STAB2: variants seen among roughly 807,000 people sequenced by gnomAD.
STAB2 encodes the protein stabilin 2.
A neutral mutation model predicts 338.1 loss-of-function variants in STAB2; 288 were observed. The observed-to-expected ratio is 0.85, with a 90% CI of 0.77 to 0.94. The LOEUF is 0.94. Ranked by LOEUF, STAB2 falls within the 40% of genes least tolerant of loss-of-function variation. The pLI is 0.00. For missense variants in STAB2, 3,141 were observed against 3,210.1 expected (o/e 0.98, Z 0.52); for synonymous variants, 1,202 against 1,193.3 (o/e 1.01, Z -0.15).
chr12:103,735,548 C>T lies in STAB2; in HGVS notation c.5518C>T (p.Leu1840=). 1 of 1,478,010 alleles carries T rather than the reference C, an allele frequency of 6.8e-7. No individual in the cohort carries two copies. The allele number at this position is 1,478,010 out of a possible 1,614,324, so 91.6% of individuals were successfully genotyped here. A position where few individuals can be genotyped will look rare whatever the true frequency, so the allele number is the denominator to read the frequency against. The change falls in exon 52 of 69, where the codon CTG becomes TTG. Residue 1840 remains leucine, a synonymous_variant. Transcript: ENST00000388887. ...CTGGAAGACCCTGCAAGGTTCAGAG[C>T]TGAGTGTGAAATGTGGAGCTGGCAG... is the stretch of plus-strand genomic sequence containing the variant. ...TAWKTLQGSE[L]SVKCGAGRDI...
chr12:103,710,606 A>G (rs1265707842), intron 39 of STAB2, among the ~76,000 whole-genome samples: 1 of 152,360 alleles, frequency 6.6e-6, no homozygotes, highest in African/African-American at 2.4e-5. Context: ...AGAAAAGGAC[A>G]TAAAACATGA....
At chr12:103,707,750 C>T (rs958235988) in intron 38 of STAB2, among the ~76,000 whole-genome samples, 1 of 152,306 alleles carries the variant, frequency 6.6e-6, no homozygotes, top group East Asian at 1.9e-4. Context: ...TTGGCTATCA[C>T]TGTTTTCTCC....
At chr12:103,724,629 T>C (rs1881036607) in intron 44 of STAB2, among the ~76,000 whole-genome samples, 7 of 152,198 alleles carry the variant, frequency 4.6e-5, no homozygotes, top group Admixed American at 3.9e-4. Flanking sequence ...TTTCCTATGA[T>C]CAGAGTTTAG....
chr12:103,597,520 A>G (rs998543334), intron 3 of STAB2, among the ~76,000 whole-genome samples: 4 of 152,232 alleles, frequency 2.6e-5, no homozygotes, highest in Non-Finnish European at 4.4e-5. Context: ...GAAAAAAATT[A>G]CTATCATCTT....
chr12:103,636,145 C>T (rs1192714377), intron 6 of STAB2, among the ~76,000 whole-genome samples: 2 of 151,610 alleles, frequency 1.3e-5, no homozygotes, highest in East Asian at 3.9e-4. Flanking sequence ...GTGCTGCACC[C>T]ATTAACTCGT....
Position 103,666,231 on chromosome 12 carries a change from C to T in STAB2, c.2023-60C>T. On this transcript the variant is annotated intron_variant, in intron 18 of 68. Transcript: ENST00000388887. The stretch of plus-strand genomic sequence containing the variant: ...GGGAAGCATGAAACCAGCCACAGGA[C>T]CATCGCCACTGCTCCCTCTCATAGG... 3.2e-6 allele frequency: 5 copies of T among 1,538,872 alleles called. No homozygotes were observed. In the South Asian group the frequency reaches 5.6e-5, roughly 17 times the overall value.
At position 103,763,601 on chromosome 12, in the gene STAB2, C is replaced by T. The variant is rs765996605; in HGVS notation, c.7598C>T (p.Pro2533Leu). Reference sequence around the variant, plus strand: ...GCTCCCCCAGAACCTTCCTACGACCCCTTCACGGTGAGTTTGCATTCTTAT... The same window carrying T: ...GCTCCCCCAGAACCTTCCTACGACCTCTTCACGGTGAGTTTGCATTCTTAT... ...TSAPPEPSYD[P>L]FTDSEERQLE... The change falls in exon 68 of 69, where the codon CCC becomes CTC. Residue 2533 changes from proline (P) to leucine (L), a missense_variant. Transcript: ENST00000388887. 3.1e-6 allele frequency: 5 copies of T among 1,613,518 alleles called. No homozygotes were observed. The highest frequency in any genetic ancestry group is 1.1e-5 in the South Asian group (1 of 90,994).
Position 103,745,284 on chromosome 12 carries a change from C to A in STAB2, c.6136+7C>A. On this transcript the variant is annotated splice_region_variant and intron_variant, in intron 57 of 68. Transcript: ENST00000388887. ...TCGTGTGACACTCAGGCAGGTCAGT[C>A]ATGGGAGTGGTCAGCTGCTGGCAGC... 2 of 1,611,840 alleles carry A rather than the reference C, an allele frequency of 1.2e-6. No individual in the cohort carries two copies. The highest frequency in any genetic ancestry group is 2.2e-5 in the South Asian group (2 of 90,670).
intron 3 of STAB2, 67 bp downstream of exon 3, chr12:103,594,577 T>G (rs1039354496): frequency 7.5e-5 from 91 of 1,220,934 alleles, no homozygotes; most frequent in Non-Finnish European, 1.1e-4. Context: ...AAAATTGAGA[T>G]GAAGGAAGCC....
chr12:103,739,901 C>T (rs1167636970), intron 54 of STAB2, among the ~76,000 whole-genome samples: 2 of 152,074 alleles, frequency 1.3e-5, no homozygotes, highest in African/African-American at 2.4e-5. Flanking sequence ...AGAGGGTAAG[C>T]AATCAGCCCA....
intron 33 of STAB2, among the ~76,000 whole-genome samples, chr12:103,698,147 C>G (rs763636176): frequency 3.9e-5 from 6 of 152,174 alleles, no homozygotes; most frequent in Non-Finnish European, 8.8e-5. Flanking sequence ...AGCCCTCTGA[C>G]TGTCTAGAGC....
intron 25 of STAB2, among the ~76,000 whole-genome samples, chr12:103,678,176 A>G (rs1362912648): frequency 1.3e-5 from 2 of 152,206 alleles, no homozygotes; most frequent in Non-Finnish European, 2.9e-5. Context: ...GAACACACGG[A>G]AGATGGGAAC....
In STAB2 at chr12:103,742,622, C is replaced by A. The variant is rs11838350; in HGVS notation, c.6031+68C>A. ...TGTGTGCTCCCTGTCCTTGTTCATG[C>A]CATCTGCCTGACCTGGAGGCATCCT... On this transcript the variant is annotated intron_variant, in intron 56 of 68. Coordinates refer to ENST00000388887, the MANE Select transcript of STAB2 (RefSeq NM_017564.10). The A allele has an allele frequency of 2.8e-3, 4,403 of 1,600,576 alleles. 103 individuals are homozygous for A. In the African/African-American group the frequency reaches 0.05, roughly 18 times the overall value.
chr12:103,587,452 A>T lies in STAB2; in HGVS notation c.-25A>T. 6.2e-7 allele frequency: 1 copy of T among 1,602,640 alleles called. No individual in the cohort carries two copies. The highest frequency in any genetic ancestry group is 8.5e-7 in the Non-Finnish European group (1 of 1,170,944). On this transcript the variant is annotated 5_prime_UTR_variant, in exon 1 of 69. Transcript: ENST00000388887. ...TAAGTCAGCCTGACAGGTGCTTGGC[A>T]CAGAGAAGGAGCAAATATTTCCTCA...
At chr12:103,721,829 G>T (rs1259797330) in intron 44 of STAB2, among the ~76,000 whole-genome samples, 2 of 152,134 alleles carry the variant, frequency 1.3e-5, no homozygotes, top group African/African-American at 4.8e-5. Context: ...CACTGGACAG[G>T]GGATGTATTT....
intron 60 of STAB2, 147 bp from the exon 61 acceptor site, chr12:103,753,073 C>A: frequency 1.1e-6 from 1 of 877,650 alleles, no homozygotes; most frequent in Non-Finnish European, 1.7e-6. Flanking sequence ...AAATGATGTA[C>A]TTCAACATAA....
intron 39 of STAB2, among the ~76,000 whole-genome samples, chr12:103,710,774 T>C (rs1023587008): frequency 2.0e-5 from 3 of 152,218 alleles, no homozygotes; most frequent in Non-Finnish European, 2.9e-5. Flanking sequence ...CAGGACCTCC[T>C]GTATGACTCA....
intron 3 of STAB2, among the ~76,000 whole-genome samples, chr12:103,608,946 C>A (rs138179785): frequency 6.6e-6 from 1 of 152,202 alleles, no homozygotes; most frequent in South Asian, 2.1e-4. Context: ...AATAGGAAAT[C>A]CTTTCCCCAT....
At chr12:103,762,164 G>A in intron 66 of STAB2, 110 bp from the exon 67 acceptor site, 2 of 1,443,938 alleles carry the variant, frequency 1.4e-6, no homozygotes, top group East Asian at 2.3e-5. Context: ...ATGTTAACAT[G>A]TCAGTATTTT....
Sources: gnomAD v4.1 joint callset for allele counts (sites outside exome capture counted in the v4.1 genomes callset) on GRCh38, gnomAD v4.1.1 for gene constraint, MANE v1.5 for transcripts, NCBI Gene and HGNC (gene_info 2026-07-23, HGNC 2026-07-21) for gene names.